Variants in ADAMTS6 observed in about 807,000 individuals in gnomAD.
ADAMTS6 encodes the protein A disintegrin and metalloproteinase with thrombospondin motifs 6.
A neutral mutation model predicts 144.3 loss-of-function variants in ADAMTS6; 23 were observed. That is an observed-to-expected ratio of 0.16 (90% CI 0.11 to 0.23). ADAMTS6 has a LOEUF of 0.23. ADAMTS6 is among the 10% of genes least tolerant of loss of function. The pLI is 1.00. For missense variants in ADAMTS6, 999 were observed against 1,379.6 expected (o/e 0.72, Z 4.37); for synonymous variants, 444 against 457.5 (o/e 0.97, Z 0.38).
chr5:65,224,029 T>C (rs564620305), intron 18 of ADAMTS6, among the ~76,000 whole-genome samples: 37 of 152,258 alleles, frequency 2.4e-4, no homozygotes, highest in African/African-American at 8.9e-4. Flanking sequence ...CTCGATCTCC[T>C]GACCTTGTGA....
At chr5:65,356,648 T>C (rs1749351922) in intron 7 of ADAMTS6, among the ~76,000 whole-genome samples, 1 of 151,906 alleles carries the variant, frequency 6.6e-6, no homozygotes, top group South Asian at 2.1e-4. Flanking sequence ...TTATCATTAC[T>C]GCCAAGGATC....
At chr5:65,218,133 G>A (rs1335510407) in intron 18 of ADAMTS6, among the ~76,000 whole-genome samples, 2 of 152,130 alleles carry the variant, frequency 1.3e-5, no homozygotes, top group African/African-American at 2.4e-5. Flanking sequence ...ATATTGATCT[G>A]CATATGTATA....
intron 24 of ADAMTS6, among the ~76,000 whole-genome samples, chr5:65,170,144 C>T (rs954449543): frequency 2.6e-4 from 39 of 152,244 alleles, no homozygotes; most frequent in African/African-American, 8.4e-4. Flanking sequence ...TACTTTTCTA[C>T]GATAAGAAAA....
intron 7 of ADAMTS6, among the ~76,000 whole-genome samples, chr5:65,438,501 T>G (rs1757622936): frequency 2.0e-5 from 3 of 152,222 alleles, no homozygotes; most frequent in Non-Finnish European, 1.5e-5. Context: ...CACTCCAGCC[T>G]GGGTAACAGA....
At chr5:65,346,269 A>G (rs1336261235) in intron 7 of ADAMTS6, among the ~76,000 whole-genome samples, 1 of 151,858 alleles carries the variant, frequency 6.6e-6, no homozygotes, top group Non-Finnish European at 1.5e-5. Flanking sequence ...CAGCACCTTA[A>G]AGGAATCATT....
Position 65,373,059 on chromosome 5 carries a change from T to C in ADAMTS6, c.1074-38974A>G, listed in dbSNP as rs1442551077. ...AAACAAAGATGTTCTTTGAAACCAATGAGAACAAAGACACAACATACCAGA... is the reference window on the plus strand; with the variant it reads ...AAACAAAGATGTTCTTTGAAACCAACGAGAACAAAGACACAACATACCAGA... On this transcript the variant is annotated intron_variant, in intron 7 of 24. Transcript: ENST00000381055. 3.9e-5 allele frequency among the ~76,000 whole-genome samples: 6 copies of C among 152,112 alleles called. No homozygotes were observed. The East Asian group carries it at 7.8e-4, about 20-fold the overall frequency.
At chr5:65,345,023 C>T (rs78483037) in intron 7 of ADAMTS6, among the ~76,000 whole-genome samples, 5,083 of 151,770 alleles carry the variant, frequency 0.033, 146 homozygotes, top group East Asian at 0.083. Flanking sequence ...TTTACATATG[C>T]GTTTTTCTAC....
intron 7 of ADAMTS6, among the ~76,000 whole-genome samples, chr5:65,431,318 T>A (rs1021514386): frequency 4.6e-5 from 7 of 152,118 alleles, no homozygotes; most frequent in African/African-American, 1.7e-4. Flanking sequence ...TCATTTTAAG[T>A]ATGTCTTTCA....
chr5:65,324,935 T>C (rs1298827140), intron 9 of ADAMTS6, among the ~76,000 whole-genome samples: 1 of 152,158 alleles, frequency 6.6e-6, no homozygotes, highest in African/African-American at 2.4e-5. Context: ...AGAAAAGTGA[T>C]ATGTGATATG....
At chr5:65,241,458 T>C (rs906746234) in intron 15 of ADAMTS6, among the ~76,000 whole-genome samples, 2 of 152,104 alleles carry the variant, frequency 1.3e-5, no homozygotes, top group African/African-American at 4.8e-5. Flanking sequence ...CTCGAACTCC[T>C]GACCTCAGGT....
intron 7 of ADAMTS6, among the ~76,000 whole-genome samples, chr5:65,350,966 C>G (rs1458189727): frequency 6.6e-6 from 1 of 152,168 alleles, no homozygotes; most frequent in Non-Finnish European, 1.5e-5. Context: ...TATACATAGT[C>G]AGTTACTCAT....
At chr5:65,202,443 T>C (rs1030238127) in intron 20 of ADAMTS6, among the ~76,000 whole-genome samples, 19 of 152,322 alleles carry the variant, frequency 1.2e-4, no homozygotes, top group Middle Eastern at 3.4e-3. Flanking sequence ...TTAACTAATT[T>C]AGTTCCTACT....
rs1316599987 is a variant in ADAMTS6 at position 65,302,113 on chromosome 5, T to A, written c.1224-1982A>T. Reference sequence around the variant, plus strand: ...TCTCCAAAAAAAAAAAAAAAATATATATATATATATATATATGCACATATA... The same window carrying A: ...TCTCCAAAAAAAAAAAAAAAATATAAATATATATATATATATGCACATATA... On this transcript the variant is annotated intron_variant, in intron 9 of 24. Coordinates refer to ENST00000381055, the MANE Select transcript of ADAMTS6 (RefSeq NM_197941.4). Among the ~76,000 whole-genome samples the A allele has an allele frequency of 1.3e-3, 165 of 131,660 alleles. 3 individuals are homozygous for A. Among genetic ancestry groups the A allele is most frequent in the South Asian group, 2.8e-3 (12 of 4,310 alleles). 86.4% of individuals were successfully genotyped at this position (131,660 alleles called of 152,430 possible).
intron 7 of ADAMTS6, among the ~76,000 whole-genome samples, chr5:65,427,761 G>A (rs1477851948): frequency 5.4e-5 from 8 of 149,028 alleles, no homozygotes; most frequent in Non-Finnish European, 1.2e-4. Flanking sequence ...TCATGCCACT[G>A]CACTCCAGCC....
At chr5:65,167,992 C>G (rs1337733231) in intron 24 of ADAMTS6, among the ~76,000 whole-genome samples, 1 of 140,716 alleles carries the variant, frequency 7.1e-6, no homozygotes, top group African/African-American at 2.7e-5. Context: ...GATGCCCTCT[C>G]TCACCGCTCC....
At chr5:65,420,269 G>A (rs1454786051) in intron 7 of ADAMTS6, among the ~76,000 whole-genome samples, 1 of 152,100 alleles carries the variant, frequency 6.6e-6, no homozygotes, top group Non-Finnish European at 1.5e-5. Flanking sequence ...GGGGATTATG[G>A]GGATTACAAT....
intron 7 of ADAMTS6, among the ~76,000 whole-genome samples, chr5:65,343,377 CA>C (rs1445938475): frequency 6.6e-6 from 1 of 151,968 alleles, no homozygotes; most frequent in Non-Finnish European, 1.5e-5. Context: ...ACAGAGAACA[CA>C]AAATTAATCC....
At chr5:65,238,136 G>A (rs1758844775) in intron 15 of ADAMTS6, among the ~76,000 whole-genome samples, 1 of 151,728 alleles carries the variant, frequency 6.6e-6, no homozygotes, top group Non-Finnish European at 1.5e-5. Flanking sequence ...AGGTCACTCA[G>A]CATATTAATA....
chr5:65,184,440 A>G (rs980070769), intron 22 of ADAMTS6, among the ~76,000 whole-genome samples: 8 of 152,212 alleles, frequency 5.3e-5, no homozygotes, highest in Non-Finnish European at 1.2e-4. Context: ...GATTTTCCCC[A>G]TCTTCCGTAA....
Sources: gnomAD v4.1 joint callset for allele counts (sites outside exome capture counted in the v4.1 genomes callset) on GRCh38, gnomAD v4.1.1 for gene constraint, MANE v1.5 for transcripts, NCBI Gene and HGNC (gene_info 2026-07-23, HGNC 2026-07-21) for gene names.